Variants in PIK3CA observed in about 807,000 individuals in gnomAD.
PIK3CA encodes the protein phosphatidylinositol 4,5-bisphosphate 3-kinase catalytic subunit alpha isoform.
Under a neutral mutation model 138.2 loss-of-function variants are expected in PIK3CA, and 27 were observed. The ratio of observed to expected loss-of-function variants is 0.20; its 90% CI spans 0.14 to 0.27. PIK3CA has a LOEUF of 0.27. PIK3CA is among the 10% of genes least tolerant of loss of function. PIK3CA has a pLI of 1.00. For synonymous variants in PIK3CA, 358 were observed against 413.2 expected (o/e 0.87, Z 1.62); for missense variants, 544 against 1,277.4 (o/e 0.43, Z 8.75).
At chr3:179,215,736 T>G (rs1285525401) in intron 9 of PIK3CA, among the ~76,000 whole-genome samples, 1 of 152,166 alleles carries the variant, frequency 6.6e-6, no homozygotes, top group African/African-American at 2.4e-5. Context: ...AGGCTTTCAT[T>G]GGACACTTGA....
rs761766361 is a variant in PIK3CA, at chr3:179,203,770, A to T, written c.1040A>T (p.Asn347Ile). 6.2e-7 allele frequency: 1 copy of T among 1,608,346 alleles called. No individual in the cohort carries two copies. The highest frequency in any genetic ancestry group is 1.3e-5 in the African/African-American group (1 of 74,924). The change falls in exon 5 of 21, where the codon AAT becomes ATT. Residue 347 changes from asparagine (N) to isoleucine (I), a missense_variant. Asn to Ile is a moderately radical substitution (Grantham distance 149). This residue lies in a region of PIK3CA where 234 missense variants were observed against 401.3 expected (regional missense o/e 0.58). Coordinates refer to ENST00000263967, the MANE Select transcript of PIK3CA (RefSeq NM_006218.4). ...CTTTGTGCAACCTACGTGAATGTAA[A>T]TATTCGAGACATTGATAAGGTAAAG... is the stretch of plus-strand genomic sequence containing the variant. ...KILCATYVNV[N>I]IRDIDKIYVR... is the part of the protein sequence containing the mutation.
chr3:179,215,101 C>T (rs1423852199), intron 9 of PIK3CA, among the ~76,000 whole-genome samples: 1 of 152,204 alleles, frequency 6.6e-6, no homozygotes, highest in African/African-American at 2.4e-5. Context: ...ATCCCATTAA[C>T]AGTAACAGCA....
Position 179,198,759 on chromosome 3 carries a change from T to A in PIK3CA, c.-67T>A, listed in dbSNP as rs970430362. On this transcript the variant is annotated 5_prime_UTR_variant, in exon 2 of 21. In the 5' UTR this introduces an upstream ATG that the reference lacks. Coordinates refer to ENST00000263967, the MANE Select transcript of PIK3CA (RefSeq NM_006218.4). Reference sequence around the variant, plus strand: ...TCCTTCTTTGATTTAGGTTTCTGCTTTGGGACAACCATACATCTAATTCCT... The same window carrying A: ...TCCTTCTTTGATTTAGGTTTCTGCTATGGGACAACCATACATCTAATTCCT... 1.2e-6 allele frequency: 1 copy of A among 864,118 alleles called. No individual in the cohort carries two copies. Among genetic ancestry groups the A allele is most frequent in the African/African-American group, 1.7e-5 (1 of 58,936 alleles). 53.5% of individuals were successfully genotyped at this position (864,118 alleles called of 1,614,324 possible).
intron 1 of PIK3CA, among the ~76,000 whole-genome samples, chr3:179,155,492 A>G (rs542498104): frequency 2.8e-4 from 43 of 151,974 alleles, no homozygotes; most frequent in East Asian, 3.9e-4. Flanking sequence ...AAATATTAGG[A>G]AAAAAAAGGA....
chr3:179,198,249 G>T (rs1488635077), intron 1 of PIK3CA, among the ~76,000 whole-genome samples: 8 of 152,166 alleles, frequency 5.3e-5, no homozygotes, highest in Non-Finnish European at 1.2e-4. Flanking sequence ...CATTATTACA[G>T]GTTGAGGGCA....
rs1725197236 is a variant in PIK3CA, at chr3:179,230,975, T to C, written c.2936+599T>C. 1.3e-5 allele frequency among the ~76,000 whole-genome samples: 2 copies of C among 152,044 alleles called. No homozygotes were observed. The highest frequency in any genetic ancestry group is 2.9e-5 in the Non-Finnish European group (2 of 68,002). ...ATACTTTTTTATCCCTCACTGTTCT[T>C]CCCACCGTCTCCCATCTGAGTCTCT... On this transcript the variant is annotated intron_variant, in intron 20 of 20. Transcript: ENST00000263967. The surrounding 1 kb of genome is among the most constrained non-coding windows in gnomAD (Gnocchi z 5.4).
At chr3:179,185,669 C>A (rs1723961242) in intron 1 of PIK3CA, among the ~76,000 whole-genome samples, 1 of 152,188 alleles carries the variant, frequency 6.6e-6, no homozygotes, top group Non-Finnish European at 1.5e-5. Flanking sequence ...ATCAGCGTTC[C>A]CATGACCCCC....
intron 1 of PIK3CA, among the ~76,000 whole-genome samples, chr3:179,159,785 A>G (rs1426267840): frequency 1.3e-5 from 2 of 152,214 alleles, no homozygotes; most frequent in Non-Finnish European, 2.9e-5. Context: ...ACAAACTTAG[A>G]TGGTATAGCT....
chr3:179,221,181 G>A (rs781407240), intron 14 of PIK3CA, 24 bp downstream of exon 14: 35 of 1,593,620 alleles, frequency 2.2e-5, no homozygotes, highest in Middle Eastern at 1.7e-4. Flanking sequence ...GTTTGTGTTT[G>A]AGACTCTTTT....
Position 179,221,235 on chromosome 3 carries a change from A to G in PIK3CA, c.2187+78A>G, listed in dbSNP as rs1157473130. ...TTGTTTAGAAGCCCAGTGTATATAC[A>G]GATCATGGTCCTTGGAATCAAGCAG... On this transcript the variant is annotated intron_variant, in intron 14 of 20. Transcript: ENST00000263967. 3.4e-6 allele frequency: 3 copies of G among 890,712 alleles called. No homozygotes were observed. In the African/African-American group the frequency reaches 5.0e-5, roughly 15 times the overall value. 55.2% of individuals were successfully genotyped at this position (890,712 alleles called of 1,614,324 possible).
intron 1 of PIK3CA, among the ~76,000 whole-genome samples, chr3:179,167,075 C>T (rs894190932): frequency 6.6e-6 from 1 of 152,066 alleles, no homozygotes; most frequent in African/African-American, 2.4e-5. Context: ...ACTTGAAAAA[C>T]TGTTATATCT....
At chr3:179,232,655 A>G (rs1200766355) in intron 20 of PIK3CA, among the ~76,000 whole-genome samples, 1 of 151,932 alleles carries the variant, frequency 6.6e-6, no homozygotes, top group Non-Finnish European at 1.5e-5. Context: ...TGATGGTGAC[A>G]GTGTTTTGTA....
chr3:179,181,870 A>G (rs555034108), intron 1 of PIK3CA, among the ~76,000 whole-genome samples: 5 of 152,258 alleles, frequency 3.3e-5, no homozygotes, highest in South Asian at 2.1e-4. Context: ...TTCTTTATAT[A>G]CCATAGTACT....
In PIK3CA at chr3:179,239,824, A is replaced by G. The variant is rs1012396703; in HGVS notation, c.*5460A>G. 1.3e-4 allele frequency: 66 copies of G among 504,000 alleles called. No individual in the cohort carries two copies. The highest frequency in any genetic ancestry group is 2.1e-4 in the Non-Finnish European group (59 of 281,336). The allele number at this position is 504,000 out of a possible 1,614,324, so 31.2% of individuals were successfully genotyped here. On this transcript the variant is annotated 3_prime_UTR_variant, in exon 21 of 21. Coordinates refer to ENST00000263967, the MANE Select transcript of PIK3CA (RefSeq NM_006218.4). ...TGAAGTCCTGTGGTATACTGCATTC[A>G]TTAGAAGAAAAACGTTTTTAATGTC...
Position 179,234,152 on chromosome 3 carries a change from A to G in PIK3CA, c.2995A>G (p.Ile999Val). The G allele has an allele frequency of 1.2e-6, 2 of 1,613,250 alleles. No individual in the cohort carries two copies. The highest frequency in any genetic ancestry group is 2.7e-5 in the African/African-American group (2 of 75,018). The part of the protein sequence containing the change: ...LAIRQHANLF[I>V]NLFSMMLGSG... ...TATTCGACAGCATGCCAATCTCTTC[A>G]TAAATCTTTTCTCAATGATGCTTGG... Residue 999 changes from isoleucine (I) to valine (V), a missense_variant, in exon 21 of 21, where the codon ATA (isoleucine) becomes GTA (valine). Ile to Val is a conservative substitution (Grantham distance 29, BLOSUM62 3). Transcript: ENST00000263967. This position sits in a 1 kb window ranked among gnomAD's most constrained non-coding sequence, Gnocchi z 5.1.
intron 1 of PIK3CA, among the ~76,000 whole-genome samples, chr3:179,165,385 A>G (rs1723392791): frequency 6.6e-6 from 1 of 151,950 alleles, no homozygotes; most frequent in African/African-American, 2.4e-5. Flanking sequence ...TGGGAACCTG[A>G]ATTTTATTTT....
intron 1 of PIK3CA, among the ~76,000 whole-genome samples, chr3:179,193,823 CA>C (rs1242023555): frequency 1.3e-5 from 2 of 152,190 alleles, no homozygotes; most frequent in African/African-American, 4.8e-5. Context: ...ATTCTGAACT[CA>C]AAACCTCAAT....
In PIK3CA at chr3:179,198,735, C is replaced by G. The variant is rs1724329778; in HGVS notation, c.-76-15C>G. 1.6e-6 allele frequency: 1 copy of G among 641,342 alleles called. No homozygotes were observed. The highest frequency in any genetic ancestry group is 3.4e-5 in the Admixed American group (1 of 29,656). 39.7% of individuals were successfully genotyped at this position (641,342 alleles called of 1,614,324 possible). On this transcript the variant is annotated splice_polypyrimidine_tract_variant and intron_variant, in intron 1 of 20. Coordinates refer to ENST00000263967, the MANE Select transcript of PIK3CA (RefSeq NM_006218.4). ...TTGTGTCTCTTTTAACATATGTTTT[C>G]CTTCTTTGATTTAGGTTTCTGCTTT...
Position 179,209,597 on chromosome 3 carries a change from G to T in PIK3CA, c.1148G>T (p.Trp383Leu), listed in dbSNP as rs2108399101. 1 of 1,585,048 alleles carries T rather than the reference G, an allele frequency of 6.3e-7. No individual in the cohort carries two copies. The highest frequency in any genetic ancestry group is 8.6e-7 in the Non-Finnish European group (1 of 1,161,026). The change falls in exon 7 of 21, where the codon TGG becomes TTG. Residue 383 changes from tryptophan (W) to leucine (L), a missense_variant and splice_region_variant. Transcript: ENST00000263967. ...TTTTGCTTTAAAATTTTACATAGGT[G>T]GAATGAATGGCTGAATTATGATATA... Reference protein sequence around the residue: ...TQRVPCSNPRWNEWLNYDIYI... With the variant: ...TQRVPCSNPRLNEWLNYDIYI...
Sources: allele counts gnomAD v4.1 joint callset (sites outside exome capture counted in the v4.1 genomes callset), GRCh38; gene constraint gnomAD v4.1.1; regional missense constraint gnomAD v4.1.1; non-coding constraint Gnocchi (gnomAD v3.1); transcripts MANE v1.5; gene names NCBI Gene and HGNC (gene_info 2026-07-23, HGNC 2026-07-21).